The following ERCC6L2 variants were observed in gnomAD, a reference collection of about 807,000 sequenced individuals.
The protein encoded by ERCC6L2 is DNA excision repair protein ERCC-6-like 2.
ERCC6L2 carries 77 observed loss-of-function variants against 132.0 expected under a neutral mutation model. That is an observed-to-expected ratio of 0.58 (90% CI 0.49 to 0.71). ERCC6L2 has a LOEUF of 0.71. ERCC6L2 is among the 30% of genes least tolerant of loss of function. The pLI is 0.00. For missense variants in ERCC6L2, 1,542 were observed against 1,837.6 expected (o/e 0.84, Z 2.94); for synonymous variants, 583 against 632.4 (o/e 0.92, Z 1.17).
intron 17 of ERCC6L2, among the ~76,000 whole-genome samples, chr9:95,981,193 T>G (rs1335455526): frequency 1.3e-5 from 2 of 152,166 alleles, no homozygotes; most frequent in Non-Finnish European, 2.9e-5. Context: ...AATTGAAAAC[T>G]TGTAAAAGGG....
At chr9:95,906,316 C>T (rs1177416193) in intron 3 of ERCC6L2, among the ~76,000 whole-genome samples, 1 of 152,034 alleles carries the variant, frequency 6.6e-6, no homozygotes, top group East Asian at 1.9e-4. Flanking sequence ...AATATTCTAA[C>T]ATGCTTGTCC....
At chr9:95,935,477 G>A (rs1274106025) in intron 11 of ERCC6L2, among the ~76,000 whole-genome samples, 1 of 152,132 alleles carries the variant, frequency 6.6e-6, no homozygotes, top group Non-Finnish European at 1.5e-5. Flanking sequence ...GTCTCTTAAA[G>A]TTTATAACTC....
intron 9 of ERCC6L2, among the ~76,000 whole-genome samples, chr9:95,927,036 A>G (rs1416525035): frequency 6.6e-6 from 1 of 152,116 alleles, no homozygotes; most frequent in African/African-American, 2.4e-5. Context: ...ATATAGAATC[A>G]GTTATTTTAT....
chr9:96,000,921 A>C (rs1055351070), intron 17 of ERCC6L2, among the ~76,000 whole-genome samples: 1 of 152,146 alleles, frequency 6.6e-6, no homozygotes, highest in Non-Finnish European at 1.5e-5. Context: ...CCTCGCGGTG[A>C]GTGTTACAGC....
intron 19 of ERCC6L2, among the ~76,000 whole-genome samples, chr9:96,029,318 A>AAC (rs1834424767): frequency 2.0e-5 from 3 of 148,392 alleles, no homozygotes; most frequent in African/African-American, 7.6e-5. Flanking sequence ...AAAAAAAAAA[A>AAC]AAAAACAAAA....
chr9:95,896,615 G>A (rs920983793), intron 2 of ERCC6L2, among the ~76,000 whole-genome samples: 11 of 151,904 alleles, frequency 7.2e-5, no homozygotes, highest in African/African-American at 2.7e-4. Flanking sequence ...GTAGAGATGG[G>A]GTTTTGCCAT....
At position 95,899,627 on chromosome 9, in the gene ERCC6L2, T is replaced by TGC. The variant is rs1248358442; in HGVS notation, c.594+1657_594+1658insCG. ...GTGTGTGTGTGTGTGTGTGTGTGTGTGTGTGCGTATGTATGCATATGCGAT... is the reference window on the plus strand; with the variant it reads ...GTGTGTGTGTGTGTGTGTGTGTGTGTGCGTGTGCGTATGTATGCATATGCGAT... On this transcript the variant is annotated intron_variant, in intron 3 of 18. Transcript: ENST00000653738. 1.3e-4 allele frequency among the ~76,000 whole-genome samples: 20 copies of TGC among 149,764 alleles called. 1 individual carries two copies. Among genetic ancestry groups the TGC allele is most frequent in the South Asian group, 6.4e-4 (3 of 4,718 alleles).
chr9:95,984,695 A>G (rs894642726), intron 17 of ERCC6L2, among the ~76,000 whole-genome samples: 2 of 152,320 alleles, frequency 1.3e-5, no homozygotes, highest in East Asian at 3.9e-4. Context: ...TGTCTGATTC[A>G]TCTTTGATAA....
Position 95,928,731 on chromosome 9 carries a change from C to T in ERCC6L2, c.1618C>T (p.Leu540=), listed in dbSNP as rs755883818. Residue 540 remains leucine, a synonymous_variant, in exon 11 of 19, where the codon CTA becomes TTA. Transcript: ENST00000653738. ...FSFSTKLLDV[L]QQYCMASGLD... The stretch of plus-strand genomic sequence containing the variant: ...ACCTCTCGTCTAGTTGCTTGACGTG[C>T]TACAGCAGTACTGTATGGCGTCTGG... 23 of 1,603,978 alleles carry T rather than the reference C, an allele frequency of 1.4e-5. No homozygotes were observed. In the African/African-American group the frequency reaches 2.8e-4, roughly 20 times the overall value.
intron 17 of ERCC6L2, among the ~76,000 whole-genome samples, chr9:95,992,910 G>C (rs1833351656): frequency 6.6e-6 from 1 of 152,022 alleles, no homozygotes; most frequent in Non-Finnish European, 1.5e-5. Context: ...TTTCATATGA[G>C]GTCACATATA....
chr9:95,921,100 A>C, intron 6 of ERCC6L2, 75 bp from the exon 7 acceptor site: 1 of 1,351,094 alleles, frequency 7.4e-7, no homozygotes, highest in Non-Finnish European at 1.0e-6. Context: ...AATCTATGAA[A>C]TCAGATGTAG....
intron 12 of ERCC6L2, chr9:95,954,932 G>A (rs1377363223): frequency 2.1e-6 from 1 of 468,192 alleles, no homozygotes; most frequent in Admixed American, 2.4e-5. Flanking sequence ...GGTAAAGGAG[G>A]CAGAGAGAAC....
At chr9:96,026,552 CTTG>C (rs1425292332) in intron 19 of ERCC6L2, among the ~76,000 whole-genome samples, 1 of 151,980 alleles carries the variant, frequency 6.6e-6, no homozygotes, top group Non-Finnish European at 1.5e-5. Flanking sequence ...GGAGCAGGGG[CTTG>C]TTGTTTCTGC....
chr9:95,985,726 C>T (rs1394169750), intron 17 of ERCC6L2, among the ~76,000 whole-genome samples: 3 of 152,096 alleles, frequency 2.0e-5, no homozygotes, highest in Non-Finnish European at 2.9e-5. Context: ...AGGCCTGTCT[C>T]AATTGGGCCC....
chr9:95,941,345 A>G, intron 11 of ERCC6L2, 109 bp from the exon 12 acceptor site: 2 of 654,350 alleles, frequency 3.1e-6, no homozygotes, highest in South Asian at 3.9e-5. Context: ...TGATGAAATT[A>G]ATGCAATATC....
chr9:95,914,436 C>T (rs1162177416), intron 4 of ERCC6L2, among the ~76,000 whole-genome samples: 1 of 152,110 alleles, frequency 6.6e-6, no homozygotes, highest in African/African-American at 2.4e-5. Flanking sequence ...TCACTACAAC[C>T]TCTGACTCCC....
chr9:95,907,394 G>C, intron 4 of ERCC6L2, 123 bp downstream of exon 4: 2 of 777,864 alleles, frequency 2.6e-6, no homozygotes, highest in Non-Finnish European at 3.7e-6. Flanking sequence ...TAGTAAAGAC[G>C]GAGTTTCGCC....
intron 3 of ERCC6L2, among the ~76,000 whole-genome samples, chr9:95,903,798 C>A (rs10987963): frequency 0.27 from 40,801 of 151,606 alleles, 6,001 homozygotes; most frequent in East Asian, 0.4. Flanking sequence ...ATAAATTATA[C>A]CTTTACAGAA....
intron 6 of ERCC6L2, chr9:95,918,307 C>T (rs951036734): frequency 7.5e-6 from 3 of 401,964 alleles, no homozygotes; most frequent in Admixed American, 5.6e-5. Flanking sequence ...TGATGTCAGT[C>T]TTGAAGATGC....
Sources: allele counts gnomAD v4.1 joint callset (sites outside exome capture counted in the v4.1 genomes callset), GRCh38; gene constraint gnomAD v4.1.1; transcripts MANE v1.5; gene names NCBI Gene and HGNC (gene_info 2026-07-23, HGNC 2026-07-21).